ZNF395: variants seen among roughly 807,000 people sequenced by gnomAD.
ZNF395 encodes HD gene regulatory region-binding protein 2.
Under a neutral mutation model 57.7 loss-of-function variants are expected in ZNF395, and 20 were observed. That is an observed-to-expected ratio of 0.35 (90% CI 0.24 to 0.50). The LOEUF (loss-of-function observed/expected upper bound fraction) is 0.50. Among genes scored for constraint, ZNF395 ranks in the 20% least tolerant of loss-of-function variants. The pLI, the probability that ZNF395 is intolerant of heterozygous loss-of-function variation, is 0.97. For missense variants in ZNF395, 606 were observed against 671.2 expected, an observed-to-expected ratio of 0.90 and a Z score of 1.07; for synonymous variants, 295 against 275.9, an observed-to-expected ratio of 1.07 and a Z score of -0.69.
chr8:28,352,769 G>T lies in ZNF395; in HGVS notation c.820-96C>A. ...GGACTCAAACTGGCTGCTGTCCCCG[G>T]CCTGACCCAACAAAAACCTCCAGGA... is the stretch of plus-strand genomic sequence containing the variant. On this transcript the variant is annotated intron_variant, in intron 5 of 9. Transcript: ENST00000344423. The surrounding 1 kb of genome is among the most constrained non-coding windows in gnomAD (Gnocchi z 4.0). 9.3e-7 allele frequency: 1 copy of T among 1,071,416 alleles called. No homozygotes were observed. The highest frequency in any genetic ancestry group is 1.4e-6 in the Non-Finnish European group (1 of 721,800). 66.4% of individuals were successfully genotyped at this position (1,071,416 alleles called of 1,614,324 possible).
chr8:28,354,152 G>C (rs1249526242), intron 4 of ZNF395, among the ~76,000 whole-genome samples: 1 of 152,156 alleles, frequency 6.6e-6, no homozygotes, highest in Non-Finnish European at 1.5e-5. Context: ...GGGGGCTTTC[G>C]TGCCTGACAT....
In ZNF395 at chr8:28,351,635, A is replaced by G; in HGVS notation, c.1093T>C (p.Ser365Pro). The change falls in exon 7 of 10, where the codon TCT becomes CCT. Residue 365 changes from serine to proline, a missense_variant. Physicochemically the swap from Ser to Pro is moderately conservative, Grantham distance 74 (BLOSUM62 -1). Coordinates refer to ENST00000344423, the MANE Select transcript of ZNF395 (RefSeq NM_018660.3). Reference sequence around the variant, plus strand: ...TTGTGCAGAGGTGGTGGAAGAGCAGACAGAGGCAGGCCAGTCATGCTGGGG... The same window carrying G: ...TTGTGCAGAGGTGGTGGAAGAGCAGGCAGAGGCAGGCCAGTCATGCTGGGG... ...PTPSMTGLPL[S>P]ALPPPLHKAQ... is the part of the protein sequence containing the mutation. 2 of 1,613,502 alleles carry G rather than the reference A, an allele frequency of 1.2e-6. No homozygotes were observed. The highest frequency in any genetic ancestry group is 1.7e-4 in the Middle Eastern group (1 of 6,060).
chr8:28,368,892 G>A (rs1801943456), intron 1 of ZNF395, among the ~76,000 whole-genome samples: 2 of 151,982 alleles, frequency 1.3e-5, no homozygotes, highest in Admixed American at 6.6e-5. Flanking sequence ...TTGGGGTGCA[G>A]TGGCGCCATC....
chr8:28,372,542 C>G (rs555940247), intron 1 of ZNF395, among the ~76,000 whole-genome samples: 1 of 152,356 alleles, frequency 6.6e-6, no homozygotes, highest in South Asian at 2.1e-4. Flanking sequence ...CATCCCAGCA[C>G]TTCGGGAGGC....
At chr8:28,366,400 G>C (rs1239536916) in intron 1 of ZNF395, among the ~76,000 whole-genome samples, 1 of 152,100 alleles carries the variant, frequency 6.6e-6, no homozygotes, top group Non-Finnish European at 1.5e-5. Context: ...TTTTACTTAA[G>C]TTTTTCAGTG....
chr8:28,384,178 C>T (rs948202823), intron 1 of ZNF395, among the ~76,000 whole-genome samples: 1 of 152,144 alleles, frequency 6.6e-6, no homozygotes, highest in Non-Finnish European at 1.5e-5. Flanking sequence ...TTGTTCATTA[C>T]ACCATTCCCT....
intron 1 of ZNF395, among the ~76,000 whole-genome samples, chr8:28,367,047 A>T (rs981491143): frequency 6.6e-6 from 1 of 152,096 alleles, no homozygotes; most frequent in Non-Finnish European, 1.5e-5. Flanking sequence ...GACACATGGC[A>T]CTGAGCATAT....
rs1254798158 is a variant in ZNF395, at chr8:28,351,658, G to A, written c.1070C>T (p.Pro357Leu). The change falls in exon 7 of 10, where the codon CCC (proline) becomes CTC (leucine). Residue 357 changes from proline to leucine, a missense_variant. Pro to Leu is a moderately conservative substitution (Grantham distance 98, BLOSUM62 -3). Around this residue, in one of 3 missense-constraint regions of ZNF395, gnomAD observed 261 missense variants for 240.3 expected, o/e 1.09. Coordinates refer to ENST00000344423, the MANE Select transcript of ZNF395 (RefSeq NM_018660.3). The part of the protein sequence containing the change: ...GTPTSEPAPT[P>L]SMTGLPLSAL... ...AGACAGAGGCAGGCCAGTCATGCTG[G>A]GGGTGGGAGCTGGCTCGGAGGTGGG... 6 of 1,613,118 alleles carry A rather than the reference G, an allele frequency of 3.7e-6. No individual in the cohort carries two copies. Among genetic ancestry groups the A allele is most frequent in the Non-Finnish European group, 5.1e-6 (6 of 1,179,940 alleles).
intron 1 of ZNF395, among the ~76,000 whole-genome samples, chr8:28,363,627 AAAAACAAAAC>A (rs755974298): frequency 3.3e-5 from 5 of 152,234 alleles, no homozygotes; most frequent in South Asian, 2.1e-4. Context: ...TTCTTGGCCA[AAAAACAAAAC>A]AAAACAAAAC....
At chr8:28,362,993 A>C (rs903441094) in intron 1 of ZNF395, among the ~76,000 whole-genome samples, 1 of 152,224 alleles carries the variant, frequency 6.6e-6, no homozygotes, top group Non-Finnish European at 1.5e-5. Flanking sequence ...GGTATCTGGT[A>C]ACTACATCCA....
chr8:28,369,871 C>A (rs1344148008), intron 1 of ZNF395, among the ~76,000 whole-genome samples: 1 of 152,188 alleles, frequency 6.6e-6, no homozygotes, highest in Non-Finnish European at 1.5e-5. Context: ...TGCACCAAAC[C>A]AAATATTAAG....
rs780504134 is a variant in ZNF395 at position 28,351,465 on chromosome 8, C to T, written c.1233+30G>A. Reference sequence around the variant, plus strand: ...TGGCCCGTGATGAGTCAGCTATGAGCCTGAGCCTCCAGCGAGCCCCGCCCC... The same window carrying T: ...TGGCCCGTGATGAGTCAGCTATGAGTCTGAGCCTCCAGCGAGCCCCGCCCC... On this transcript the variant is annotated intron_variant, in intron 7 of 9. Transcript: ENST00000344423. 7.1e-6 allele frequency: 11 copies of T among 1,555,830 alleles called. No individual in the cohort carries two copies. The South Asian group carries it at 8.3e-5, about 12-fold the overall frequency.
Position 28,361,142 on chromosome 8 carries a change from C to T in ZNF395, c.-18G>A, listed in dbSNP as rs1360418704. ...CTCGCCATGCTGCTGCCTCTCCTCT[C>T]CTGCGGAGGCGAAGGGGACACTGAA... On this transcript the variant is annotated 5_prime_UTR_variant, in exon 2 of 10. Coordinates refer to ENST00000344423, the MANE Select transcript of ZNF395 (RefSeq NM_018660.3). 6.2e-7 allele frequency: 1 copy of T among 1,610,256 alleles called. No individual in the cohort carries two copies. Among genetic ancestry groups the T allele is most frequent in the Non-Finnish European group, 8.5e-7 (1 of 1,180,000 alleles).
chr8:28,362,822 G>C (rs1408836004), intron 1 of ZNF395, among the ~76,000 whole-genome samples: 1 of 152,210 alleles, frequency 6.6e-6, no homozygotes, highest in African/African-American at 2.4e-5. Flanking sequence ...GGCAAATATT[G>C]AGTAAAGGGG....
Position 28,359,477 on chromosome 8 carries a change from C to A in ZNF395, c.473+115G>T. 1 of 1,388,304 alleles carries A rather than the reference C, an allele frequency of 7.2e-7. No homozygotes were observed. The allele number at this position is 1,388,304 out of a possible 1,614,324, so 86.0% of individuals were successfully genotyped here. ...TTCTGTGTCCCATTTGTCCCAATAT[C>A]TTGGCACCCAGATGCCAATGACACC... On this transcript the variant is annotated intron_variant, in intron 3 of 9. Coordinates refer to ENST00000344423, the MANE Select transcript of ZNF395 (RefSeq NM_018660.3). The surrounding 1 kb of genome is among the most constrained non-coding windows in gnomAD (Gnocchi z 4.7).
chr8:28,377,617 G>A (rs544567581), intron 1 of ZNF395, among the ~76,000 whole-genome samples: 7 of 151,966 alleles, frequency 4.6e-5, no homozygotes, highest in East Asian at 1.9e-4. Context: ...TCCACAGTGC[G>A]GGACAGGAAG....
intron 7 of ZNF395, 42 bp downstream of exon 7, chr8:28,351,453 G>C: frequency 6.5e-7 from 1 of 1,532,360 alleles, no homozygotes; most frequent in African/African-American, 1.4e-5. Flanking sequence ...CCCGTGATGA[G>C]TCAGCTATGA....
At chr8:28,369,252 C>G (rs141161593) in intron 1 of ZNF395, among the ~76,000 whole-genome samples, 79 of 151,838 alleles carry the variant, frequency 5.2e-4, no homozygotes, top group African/African-American at 1.9e-3. Flanking sequence ...AGGAGAATCA[C>G]TCCTGAGGGT....
At chr8:28,374,587 T>G (rs1215708046) in intron 1 of ZNF395, among the ~76,000 whole-genome samples, 1 of 152,228 alleles carries the variant, frequency 6.6e-6, no homozygotes, top group East Asian at 1.9e-4. Context: ...AGCTCAGCAG[T>G]GCACATCTGC....
Sources: allele counts gnomAD v4.1 joint callset (sites outside exome capture counted in the v4.1 genomes callset), GRCh38; gene constraint gnomAD v4.1.1; regional missense constraint gnomAD v4.1.1; non-coding constraint Gnocchi (gnomAD v3.1); transcripts MANE v1.5; gene names NCBI Gene and HGNC (gene_info 2026-07-23, HGNC 2026-07-21).